Variants in L3MBTL4 observed in about 807,000 individuals in gnomAD.
L3MBTL4 encodes the protein lethal(3)malignant brain tumor-like protein 4.
A neutral mutation model predicts 84.5 loss-of-function variants in L3MBTL4; 70 were observed. That is an observed-to-expected ratio of 0.83 (90% CI 0.68 to 1.01). The LOEUF (loss-of-function observed/expected upper bound fraction) is 1.01, where lower values mean the gene tolerates loss of function less well. Among genes scored for constraint, L3MBTL4 ranks in the 50% least tolerant of loss-of-function variants. The probability of loss-of-function intolerance (pLI) is 0.00; values close to 1 mark genes in which losing one functional copy is unlikely to be tolerated. For missense variants in L3MBTL4, 715 were observed against 754.8 expected (o/e 0.95, Z 0.62); for synonymous variants, 274 against 259.8 (o/e 1.05, Z -0.52).
At chr18:6,106,709 CACAT>C (rs1456717330) in intron 14 of L3MBTL4, among the ~76,000 whole-genome samples, 8 of 152,222 alleles carry the variant, frequency 5.3e-5, no homozygotes, top group African/African-American at 1.9e-4. Context: ...CCCACATATA[CACAT>C]ACTAAAGCTG....
At chr18:6,083,372 G>A (rs2058145008) in intron 15 of L3MBTL4, among the ~76,000 whole-genome samples, 1 of 152,152 alleles carries the variant, frequency 6.6e-6, no homozygotes, top group Non-Finnish European at 1.5e-5. Context: ...CGACTTGTTT[G>A]GCTGAAGCAC....
At chr18:6,405,225 C>T (rs979760538) in intron 1 of L3MBTL4, among the ~76,000 whole-genome samples, 2 of 152,154 alleles carry the variant, frequency 1.3e-5, no homozygotes, top group Non-Finnish European at 2.9e-5. Context: ...GCAGCAGTGG[C>T]CACGTAAACA....
At chr18:6,135,261 G>T (rs2059996595) in intron 14 of L3MBTL4, among the ~76,000 whole-genome samples, 1 of 152,162 alleles carries the variant, frequency 6.6e-6, no homozygotes, top group Admixed American at 6.5e-5. Context: ...GGGCCTCCAG[G>T]CCTGTGATGG....
intron 1 of L3MBTL4, among the ~76,000 whole-genome samples, chr18:6,405,705 G>T (rs543440433): frequency 7.9e-6 from 1 of 126,716 alleles, no homozygotes; most frequent in African/African-American, 3.3e-5. Flanking sequence ...CCCTCCCAGT[G>T]CCACTGTGAA....
At chr18:6,116,599 G>T (rs1363018990) in intron 14 of L3MBTL4, among the ~76,000 whole-genome samples, 1 of 151,984 alleles carries the variant, frequency 6.6e-6, no homozygotes, top group Non-Finnish European at 1.5e-5. Flanking sequence ...CCTGACCTTA[G>T]GTGATCCACC....
At chr18:6,297,612 T>G (rs2050160512) in intron 4 of L3MBTL4, among the ~76,000 whole-genome samples, 1 of 152,178 alleles carries the variant, frequency 6.6e-6, no homozygotes, top group South Asian at 2.1e-4. Context: ...CAAATTAAAG[T>G]TTTTAGTTCA....
chr18:6,329,156 T>TC lies in L3MBTL4; in HGVS notation c.-90-17101_-90-17100insG, dbSNP rs1359860980. On this transcript the variant is annotated intron_variant, in intron 1 of 18. Coordinates refer to ENST00000317931, the MANE Select transcript of L3MBTL4 (RefSeq NM_001330559.2). Reference sequence around the variant, plus strand: ...TTTGTTTCTTTTTTTCTTTTCTTTTTTTTTTTTTTTTTTTTGAGACGGAGT... The same window carrying TC: ...TTTGTTTCTTTTTTTCTTTTCTTTTTCTTTTTTTTTTTTTTTGAGACGGAGT... Among the ~76,000 whole-genome samples the TC allele has an allele frequency of 3.2e-4, 30 of 93,586 alleles. No homozygotes were observed. In the East Asian group the frequency reaches 3.4e-3, roughly 11 times the overall value. The allele number at this position is 93,586 out of a possible 152,430, so 61.4% of individuals were successfully genotyped here.
chr18:6,323,597 T>A (rs1453622691), intron 1 of L3MBTL4, among the ~76,000 whole-genome samples: 1 of 152,206 alleles, frequency 6.6e-6, no homozygotes, highest in Non-Finnish European at 1.5e-5. Flanking sequence ...ACTTAGGGTA[T>A]CTGGTGGAAA....
chr18:6,314,490 G>A (rs1022475305), intron 1 of L3MBTL4, among the ~76,000 whole-genome samples: 7 of 152,130 alleles, frequency 4.6e-5, no homozygotes, highest in Admixed American at 2.0e-4. Context: ...CATAGACAAC[G>A]TGATGTTCAG....
intron 1 of L3MBTL4, among the ~76,000 whole-genome samples, chr18:6,348,796 C>A (rs979181332): frequency 2.0e-5 from 3 of 152,098 alleles, no homozygotes; most frequent in African/African-American, 7.2e-5. Flanking sequence ...AATGTATCTG[C>A]AACACATTGG....
intron 14 of L3MBTL4, among the ~76,000 whole-genome samples, chr18:6,126,987 G>A (rs750956170): frequency 5.9e-5 from 9 of 152,160 alleles, no homozygotes; most frequent in Non-Finnish European, 1.0e-4. Flanking sequence ...ATGTAAGCAC[G>A]TGTCACTGAG....
chr18:6,129,066 A>G (rs1194468131), intron 14 of L3MBTL4, among the ~76,000 whole-genome samples: 1 of 152,132 alleles, frequency 6.6e-6, no homozygotes, highest in East Asian at 1.9e-4. Flanking sequence ...TTCCAAGGAT[A>G]ACAAGAGATA....
At chr18:6,042,090 C>T (rs1373418147) in intron 16 of L3MBTL4, among the ~76,000 whole-genome samples, 1 of 152,162 alleles carries the variant, frequency 6.6e-6, no homozygotes, top group Non-Finnish European at 1.5e-5. Context: ...TGCCATACCT[C>T]CCCAAGCCCT....
At chr18:6,104,242 T>C (rs7241910) in intron 14 of L3MBTL4, among the ~76,000 whole-genome samples, 35,710 of 152,050 alleles carry the variant, frequency 0.23, 6,469 homozygotes, top group African/African-American at 0.51. Flanking sequence ...CCAAAAGAAC[T>C]GAAATGAGCA....
intron 16 of L3MBTL4, among the ~76,000 whole-genome samples, chr18:6,078,225 A>T (rs539586724): frequency 4.6e-5 from 7 of 151,780 alleles, no homozygotes; most frequent in South Asian, 4.2e-4. Flanking sequence ...TCAAGAGTTC[A>T]AAAACAGCCT....
At chr18:6,137,676 T>C (rs2060064858) in intron 14 of L3MBTL4, among the ~76,000 whole-genome samples, 1 of 152,260 alleles carries the variant, frequency 6.6e-6, no homozygotes, top group Admixed American at 6.5e-5. Context: ...TACATATTTA[T>C]TCGTATTATT....
intron 16 of L3MBTL4, 101 bp downstream of exon 16, chr18:6,080,780 A>G: frequency 1.2e-6 from 1 of 848,034 alleles, no homozygotes; most frequent in Non-Finnish European, 1.8e-6. Flanking sequence ...GGCTCTTTCT[A>G]CCATTCCCTG....
chr18:6,279,987 C>T (rs76599578), intron 4 of L3MBTL4, among the ~76,000 whole-genome samples: 42 of 152,296 alleles, frequency 2.8e-4, no homozygotes, highest in African/African-American at 9.9e-4. Context: ...AATTAATGGA[C>T]ACACTTAAAA....
rs745445176 is a variant in L3MBTL4, at chr18:6,138,244, C to G, written c.1149G>C (p.Gly383=). The stretch of plus-strand genomic sequence containing the variant: ...CACGGATATGGCCTATTCCTCGGCA[C>G]CCGGGAGTAGGACAGACAGCTTGAC... ...LPGQAVCPTP[G]CRGIGHIRGP... The change falls in exon 14 of 19, where the codon GGG becomes GGC. Residue 383 remains glycine, a synonymous_variant. Coordinates refer to ENST00000317931, the MANE Select transcript of L3MBTL4 (RefSeq NM_001330559.2). 1 of 1,613,518 alleles carries G rather than the reference C, an allele frequency of 6.2e-7. No individual in the cohort carries two copies. The highest frequency in any genetic ancestry group is 8.5e-7 in the Non-Finnish European group (1 of 1,179,646).
Sources: allele counts gnomAD v4.1 joint callset (sites outside exome capture counted in the v4.1 genomes callset), GRCh38; gene constraint gnomAD v4.1.1; transcripts MANE v1.5; gene names NCBI Gene and HGNC (gene_info 2026-07-23, HGNC 2026-07-21).